The following LMBR1 variants were observed in gnomAD, a reference collection of about 807,000 sequenced individuals.
LMBR1 encodes limb development membrane protein 1, also known as limb region 1 protein homolog.
In LMBR1, 52 loss-of-function variants were observed where a neutral mutation model predicts 73.9. The ratio of observed to expected loss-of-function variants is 0.70; its 90% CI spans 0.56 to 0.89. The LOEUF is 0.89. LMBR1 is among the 40% of genes least tolerant of loss of function. The pLI is 0.00. For missense variants in LMBR1, 539 were observed against 579.8 expected (o/e 0.93, Z 0.72); for synonymous variants, 215 against 209.4 (o/e 1.03, Z -0.23).
rs528150235 is a variant in LMBR1 at position 156,767,944 on chromosome 7, C to A, written c.424-4149G>T. Among the ~76,000 whole-genome samples, 12 of 151,946 alleles carry A rather than the reference C, an allele frequency of 7.9e-5. No homozygotes were observed. In the South Asian group the frequency reaches 2.5e-3, roughly 32 times the overall value. On this transcript the variant is annotated intron_variant, in intron 5 of 16. Coordinates refer to ENST00000353442, the MANE Select transcript of LMBR1 (RefSeq NM_022458.4). ...AGTCTGGTTTAAATACAGAAGAATG[C>A]AAAACAAAAAACATTAAATGGGATA...
intron 5 of LMBR1, among the ~76,000 whole-genome samples, chr7:156,794,558 C>A (rs939660690): frequency 2.6e-5 from 4 of 152,042 alleles, no homozygotes; most frequent in African/African-American, 9.7e-5. Context: ...AACTTGGAGG[C>A]AAAGAGTTTG....
intron 15 of LMBR1, among the ~76,000 whole-genome samples, chr7:156,694,331 T>C (rs1160109472): frequency 6.6e-6 from 1 of 152,096 alleles, no homozygotes; most frequent in Non-Finnish European, 1.5e-5. Context: ...CAGGGTCTCA[T>C]TTTGTTGCCC....
intron 1 of LMBR1, among the ~76,000 whole-genome samples, chr7:156,885,855 G>A (rs532473449): frequency 6.6e-6 from 1 of 151,924 alleles, no homozygotes; most frequent in African/African-American, 2.4e-5. Flanking sequence ...TCCAGGCTGG[G>A]TGACAGAGAC....
Position 156,872,084 on chromosome 7 carries a change from G to C in LMBR1, c.66+20844C>G, listed in dbSNP as rs557382884. 6 of 152,180 alleles carry C rather than the reference G, an allele frequency of 3.9e-5. No individual in the cohort carries two copies. In the South Asian group the frequency reaches 1.2e-3, roughly 32 times the overall value. 9.4% of individuals were successfully genotyped at this position (152,180 alleles called of 1,614,324 possible). On this transcript the variant is annotated intron_variant, in intron 1 of 16. Transcript: ENST00000353442. Reference sequence around the variant, plus strand: ...TGTTAGAACCAATAAATTTAGCTTTGAACACTGGCAGTATCGTAGCCAGTC... The same window carrying C: ...TGTTAGAACCAATAAATTTAGCTTTCAACACTGGCAGTATCGTAGCCAGTC...
chr7:156,840,920 G>A (rs1258863924), intron 1 of LMBR1, among the ~76,000 whole-genome samples: 1 of 146,672 alleles, frequency 6.8e-6, no homozygotes, highest in East Asian at 2.0e-4. Flanking sequence ...AGCCGAGATC[G>A]TGCCACTGCA....
Position 156,680,701 on chromosome 7 carries a change from GAGAA to G in LMBR1, c.*3373_*3376del, listed in dbSNP as rs1804886190. 6.3e-6 allele frequency: 1 copy of G among 159,956 alleles called. No homozygotes were observed. Among genetic ancestry groups the G allele is most frequent in the South Asian group, 1.8e-4 (1 of 5,410 alleles). The allele number at this position is 159,956 out of a possible 1,614,324, so 9.9% of individuals were successfully genotyped here. A position where few individuals can be genotyped will look rare whatever the true frequency, so the allele number is the denominator to read the frequency against. ...TTGATCTACCAATAACTGCACAACA[GAGAA>G]AGAAAATATCCATTTCTTAATTCAA... On this transcript the variant is annotated 3_prime_UTR_variant, in exon 17 of 17. Transcript: ENST00000353442.
chr7:156,737,823 C>G (rs1818166348), intron 9 of LMBR1, among the ~76,000 whole-genome samples: 1 of 152,108 alleles, frequency 6.6e-6, no homozygotes, highest in Non-Finnish European at 1.5e-5. Context: ...CTCCTCCAAG[C>G]TCTCCTGTTT....
At chr7:156,676,277 C>T, downstream of LMBR1, 1 of 1,559,626 alleles carries the variant, frequency 6.4e-7, no homozygotes, top group Non-Finnish European at 8.7e-7. Context: ...AAATAAAATG[C>T]ATGTGATTTT....
chr7:156,683,424 C>G lies in LMBR1; in HGVS notation c.*654G>C, dbSNP rs950074017. ...ATTAGACTGTACAACAGAAGATATT[C>G]CTGTGGCTCTCTAAGGCTCCAGGTT... On this transcript the variant is annotated 3_prime_UTR_variant, in exon 17 of 17. Coordinates refer to ENST00000353442, the MANE Select transcript of LMBR1 (RefSeq NM_022458.4). The G allele has an allele frequency of 1.3e-5, 2 of 152,654 alleles. No homozygotes were observed. Among genetic ancestry groups the G allele is most frequent in the Admixed American group, 1.3e-4 (2 of 15,284 alleles). 9.5% of individuals were successfully genotyped at this position (152,654 alleles called of 1,614,324 possible). A position where few individuals can be genotyped will look rare whatever the true frequency, so the allele number is the denominator to read the frequency against.
In LMBR1 at chr7:156,683,941, G is replaced by GAA. The variant is rs146572018; in HGVS notation, c.*135_*136dup. 3 of 674,980 alleles carry GAA rather than the reference G, an allele frequency of 4.4e-6. No individual in the cohort carries two copies. The highest frequency in any genetic ancestry group is 1.8e-5 in the African/African-American group (1 of 55,162). 41.8% of individuals were successfully genotyped at this position (674,980 alleles called of 1,614,324 possible). ...CATAGCCAAGTTCTTCGTAGATTATGAAAAAAAAATGGCACTGATAGGTCT... is the reference window on the plus strand; with the variant it reads ...CATAGCCAAGTTCTTCGTAGATTATGAAAAAAAAAAATGGCACTGATAGGTCT... On this transcript the variant is annotated 3_prime_UTR_variant, in exon 17 of 17. Transcript: ENST00000353442.
At chr7:156,742,729 AGAG>A (rs1320734682) in intron 9 of LMBR1, among the ~76,000 whole-genome samples, 1 of 152,198 alleles carries the variant, frequency 6.6e-6, no homozygotes, top group Non-Finnish European at 1.5e-5. Flanking sequence ...TCTGAAAAAC[AGAG>A]GAGGAGGAAA....
chr7:156,803,815 A>G (rs1398796832), intron 4 of LMBR1, among the ~76,000 whole-genome samples: 1 of 151,954 alleles, frequency 6.6e-6, no homozygotes, highest in East Asian at 1.9e-4. Context: ...ATGCAGCCAT[A>G]AAAAAGGATG....
intron 5 of LMBR1, among the ~76,000 whole-genome samples, chr7:156,774,403 T>C (rs868499488): frequency 1.3e-5 from 2 of 152,202 alleles, no homozygotes; most frequent in Non-Finnish European, 2.9e-5. Flanking sequence ...AACATAAAGA[T>C]ATATGCACTC....
At chr7:156,888,188 A>ATCACGAGG (rs1802250711) in intron 1 of LMBR1, among the ~76,000 whole-genome samples, 2 of 152,086 alleles carry the variant, frequency 1.3e-5, no homozygotes, top group Admixed American at 6.5e-5. Context: ...AGGCGGGCGA[A>ATCACGAGG]TCACGAGGTC....
chr7:156,858,808 A>G (rs1797329862), intron 1 of LMBR1, among the ~76,000 whole-genome samples: 1 of 152,202 alleles, frequency 6.6e-6, no homozygotes, highest in Non-Finnish European at 1.5e-5. Flanking sequence ...AAGATGAAAC[A>G]TAACCTATCA....
chr7:156,802,346 G>A (rs1426753754), intron 4 of LMBR1, among the ~76,000 whole-genome samples: 45 of 152,166 alleles, frequency 3.0e-4, no homozygotes. Context: ...CTAGATCAAA[G>A]GTCCATGAGG....
chr7:156,775,058 G>T (rs1345936566), intron 5 of LMBR1, among the ~76,000 whole-genome samples: 1 of 152,056 alleles, frequency 6.6e-6, no homozygotes, highest in Non-Finnish European at 1.5e-5. Context: ...CTATCTATCA[G>T]GTACTATGCT....
At chr7:156,725,583 C>A in intron 13 of LMBR1, 58 bp from the exon 14 acceptor site, 1 of 1,367,502 alleles carries the variant, frequency 7.3e-7, no homozygotes. Flanking sequence ...AAGTTCTCGG[C>A]AGTCTCCAAA....
intron 9 of LMBR1, among the ~76,000 whole-genome samples, chr7:156,755,808 G>C (rs895848230): frequency 1.1e-4 from 16 of 152,250 alleles, no homozygotes; most frequent in African/African-American, 3.4e-4. Flanking sequence ...AAAATATTAT[G>C]AACATTTTTG....
Sources: gnomAD v4.1 joint callset for allele counts (sites outside exome capture counted in the v4.1 genomes callset) on GRCh38, gnomAD v4.1.1 for gene constraint, MANE v1.5 for transcripts, NCBI Gene and HGNC (gene_info 2026-07-23, HGNC 2026-07-21) for gene names.